The following RORA variants were observed in gnomAD, a reference collection of about 807,000 sequenced individuals.
RORA encodes the protein RAR related orphan receptor A, also known as nuclear receptor ROR-alpha.
A neutral mutation model predicts 69.5 loss-of-function variants in RORA; 7 were observed. That is an observed-to-expected ratio of 0.10 (90% CI 0.06 to 0.19). RORA has a LOEUF of 0.19. Ranked by LOEUF, RORA falls within the 10% of genes least tolerant of loss-of-function variation. The pLI is 1.00. For missense variants in RORA, 457 were observed against 663.0 expected (o/e 0.69, Z 3.41); for synonymous variants, 261 against 240.8 (o/e 1.08, Z -0.78).
intron 1 of RORA, among the ~76,000 whole-genome samples, chr15:60,686,439 T>A (rs570271968): frequency 4.9e-4 from 75 of 152,348 alleles, no homozygotes; most frequent in Non-Finnish European, 8.8e-4. Flanking sequence ...GAAGCCTTAT[T>A]TTTTCAAATT....
chr15:60,946,350 C>A (rs1892872933), intron 1 of RORA, among the ~76,000 whole-genome samples: 1 of 152,232 alleles, frequency 6.6e-6, no homozygotes, highest in South Asian at 2.1e-4. Flanking sequence ...GCCATCTCTG[C>A]TCACTGCAAC....
intron 1 of RORA, among the ~76,000 whole-genome samples, chr15:61,187,678 A>C (rs1052038661): frequency 1.3e-5 from 2 of 152,198 alleles, no homozygotes; most frequent in African/African-American, 2.4e-5. Context: ...AAGCGTTAAG[A>C]CAGGAAAATC....
chr15:60,881,980 A>G (rs1380329622), intron 1 of RORA, among the ~76,000 whole-genome samples: 1 of 152,218 alleles, frequency 6.6e-6, no homozygotes, highest in Non-Finnish European at 1.5e-5. Flanking sequence ...CCATGAATGG[A>G]TACCTGAGAC....
Position 60,502,747 on chromosome 15 carries a change from G to A in RORA, c.1183+13C>T. The A allele has an allele frequency of 6.6e-7, 1 of 1,522,798 alleles. No homozygotes were observed. Among genetic ancestry groups the A allele is most frequent in the Non-Finnish European group, 9.1e-7 (1 of 1,097,186 alleles). 94.3% of individuals were successfully genotyped at this position (1,522,798 alleles called of 1,614,324 possible). A position where few individuals can be genotyped will look rare whatever the true frequency, so the allele number is the denominator to read the frequency against. On this transcript the variant is annotated intron_variant, in intron 8 of 10. Transcript: ENST00000335670. The stretch of plus-strand genomic sequence containing the variant: ...CCCTGATTTGAAGAAAAGGCACCTT[G>A]ATATCCCCTTACCTAAGGATTTGAA...
chr15:60,941,153 G>C (rs1324264920), intron 1 of RORA, among the ~76,000 whole-genome samples: 1 of 152,186 alleles, frequency 6.6e-6, no homozygotes, highest in African/African-American at 2.4e-5. Flanking sequence ...TTATGGCATG[G>C]TGATAAGCTA....
intron 1 of RORA, among the ~76,000 whole-genome samples, chr15:61,196,294 T>C (rs1009234288): frequency 6.6e-6 from 1 of 152,242 alleles, no homozygotes; most frequent in African/African-American, 2.4e-5. Flanking sequence ...CATCAACCAG[T>C]AGCTTGCATC....
chr15:60,973,356 T>C (rs1019581899), intron 1 of RORA, among the ~76,000 whole-genome samples: 10 of 152,124 alleles, frequency 6.6e-5, no homozygotes, highest in Non-Finnish European at 7.4e-5. Context: ...TTTAAGCACT[T>C]GCTTATCTCC....
intron 1 of RORA, among the ~76,000 whole-genome samples, chr15:61,085,610 G>T (rs1416483041): frequency 6.6e-6 from 1 of 152,228 alleles, no homozygotes; most frequent in Non-Finnish European, 1.5e-5. Flanking sequence ...ACCACACTTT[G>T]AGAACCACTG....
chr15:60,517,179 C>T (rs941084822), intron 3 of RORA, among the ~76,000 whole-genome samples: 1 of 150,566 alleles, frequency 6.6e-6, no homozygotes, highest in African/African-American at 2.5e-5. Flanking sequence ...AAGAAGTGCA[C>T]CTGCCTTCCT....
At chr15:60,959,257 C>G (rs1893351110) in intron 1 of RORA, among the ~76,000 whole-genome samples, 1 of 152,296 alleles carries the variant, frequency 6.6e-6, no homozygotes, top group Admixed American at 6.5e-5. Flanking sequence ...AAGTAGGAAA[C>G]TGACCCAAAG....
chr15:61,060,907 T>A (rs928694695), intron 1 of RORA, among the ~76,000 whole-genome samples: 2 of 152,190 alleles, frequency 1.3e-5, no homozygotes, highest in Non-Finnish European at 1.5e-5. Flanking sequence ...TGGGCCACGT[T>A]CAAAGCCATC....
intron 1 of RORA, among the ~76,000 whole-genome samples, chr15:60,820,194 G>T (rs1251382824): frequency 6.6e-6 from 1 of 152,254 alleles, no homozygotes; most frequent in African/African-American, 2.4e-5. Context: ...CGTGAGGGTG[G>T]TTCAGGGAAT....
chr15:60,709,094 C>T (rs943036843), intron 1 of RORA, among the ~76,000 whole-genome samples: 2 of 152,192 alleles, frequency 1.3e-5, no homozygotes, highest in Non-Finnish European at 2.9e-5. Flanking sequence ...TCCCTTCCTC[C>T]AGGCCTACAC....
At chr15:60,884,341 T>C in intron 1 of RORA, among the ~76,000 whole-genome samples, 1 of 152,032 alleles carries the variant, frequency 6.6e-6, no homozygotes, top group East Asian at 1.9e-4. Context: ...GAATTTTTTT[T>C]TTTTTTCAAA....
intron 1 of RORA, among the ~76,000 whole-genome samples, chr15:60,865,959 A>G (rs1000369322): frequency 6.6e-6 from 1 of 152,080 alleles, no homozygotes; most frequent in Non-Finnish European, 1.5e-5. Context: ...TTTTATTTAT[A>G]TATTTTTACA....
intron 1 of RORA, among the ~76,000 whole-genome samples, chr15:61,166,452 C>T (rs2079540392): frequency 6.6e-6 from 1 of 152,020 alleles, no homozygotes; most frequent in Non-Finnish European, 1.5e-5. Context: ...GGCAGAAGAA[C>T]AGAAGAAAAG....
At chr15:61,003,562 T>A (rs1321884300) in intron 1 of RORA, among the ~76,000 whole-genome samples, 1 of 152,228 alleles carries the variant, frequency 6.6e-6, no homozygotes, top group Non-Finnish European at 1.5e-5. Flanking sequence ...ACTAGATTTA[T>A]CTTTGGTGCC....
intron 1 of RORA, among the ~76,000 whole-genome samples, chr15:61,080,505 C>A (rs564748474): frequency 3.3e-5 from 5 of 152,118 alleles, no homozygotes; most frequent in Non-Finnish European, 7.4e-5. Flanking sequence ...CAAATAGATA[C>A]CATTTCCAAA....
chr15:61,120,415 C>A (rs2079091400), intron 1 of RORA, among the ~76,000 whole-genome samples: 1 of 151,952 alleles, frequency 6.6e-6, no homozygotes, highest in East Asian at 1.9e-4. Context: ...AAAAAACATA[C>A]CTGGCTGGGC....
Sources: allele counts gnomAD v4.1 joint callset (sites outside exome capture counted in the v4.1 genomes callset), GRCh38; gene constraint gnomAD v4.1.1; transcripts MANE v1.5; gene names NCBI Gene and HGNC (gene_info 2026-07-23, HGNC 2026-07-21).